The following COL24A1 variants were observed in gnomAD, a reference collection of about 807,000 sequenced individuals.
The protein encoded by COL24A1 is collagen alpha-1(XXIV) chain.
COL24A1 carries 224 observed loss-of-function variants against 253.9 expected under a neutral mutation model. The ratio of observed to expected loss-of-function variants is 0.88; its 90% CI spans 0.79 to 0.99. COL24A1 has a LOEUF of 0.99. COL24A1 is among the 50% of genes least tolerant of loss of function. COL24A1 has a pLI of 0.00. For missense variants in COL24A1, 2,131 were observed against 2,068.5 expected (o/e 1.03, Z -0.59); for synonymous variants, 685 against 673.7 (o/e 1.02, Z -0.26).
At chr1:86,017,277 T>C in intron 18 of COL24A1, 73 bp from the exon 19 acceptor site, 1 of 1,282,576 alleles carries the variant, frequency 7.8e-7, no homozygotes, top group South Asian at 1.4e-5. Flanking sequence ...AACAGGCATA[T>C]GGTAAACAAA....
chr1:85,959,327 T>C (rs1429144688), intron 24 of COL24A1, among the ~76,000 whole-genome samples: 8 of 152,112 alleles, frequency 5.3e-5, no homozygotes, highest in African/African-American at 1.2e-4. Context: ...ACAAGAAAGA[T>C]AGAATCTCAA....
chr1:86,135,511 CCT>C (rs1455096838), intron 2 of COL24A1, among the ~76,000 whole-genome samples: 2 of 151,828 alleles, frequency 1.3e-5, no homozygotes, highest in Admixed American at 6.6e-5. Flanking sequence ...TCTCTATAAT[CCT>C]TTTTATTATG....
chr1:85,791,295 T>TAG (rs1355857454), intron 47 of COL24A1, among the ~76,000 whole-genome samples: 1 of 152,064 alleles, frequency 6.6e-6, no homozygotes. Flanking sequence ...ATGGAAGAAT[T>TAG]GTATAAATAG....
At chr1:86,057,211 C>G (rs1461249318) in intron 10 of COL24A1, among the ~76,000 whole-genome samples, 1 of 152,052 alleles carries the variant, frequency 6.6e-6, no homozygotes, top group Non-Finnish European at 1.5e-5. Context: ...GTTTTTCTCT[C>G]TTACTCCCAC....
rs1407407892 is a variant in COL24A1, at chr1:86,066,597, TTTTG to T, written c.1708-2842_1708-2839del. The stretch of plus-strand genomic sequence containing the variant: ...ATCCGAAGAGCCTAAGTAAAGCAAT[TTTTG>T]TTTGTTTGCTTTACTGATAATAACA... On this transcript the variant is annotated intron_variant, in intron 7 of 59. Coordinates refer to ENST00000370571, the MANE Select transcript of COL24A1 (RefSeq NM_152890.7). Among the ~76,000 whole-genome samples the T allele has an allele frequency of 2.6e-5, 4 of 152,040 alleles. No homozygotes were observed. The East Asian group carries it at 7.8e-4, about 29-fold the overall frequency.
At chr1:85,933,352 T>C (rs1220214968) in intron 24 of COL24A1, among the ~76,000 whole-genome samples, 3 of 146,526 alleles carry the variant, frequency 2.0e-5, no homozygotes, top group African/African-American at 7.4e-5. Flanking sequence ...TTTTGCTGTG[T>C]TTCACAGAAT....
At chr1:85,983,560 C>G (rs1160676388) in intron 20 of COL24A1, among the ~76,000 whole-genome samples, 1 of 151,872 alleles carries the variant, frequency 6.6e-6, no homozygotes, top group Non-Finnish European at 1.5e-5. Flanking sequence ...CCATGTATTT[C>G]AAATACAGTG....
At chr1:86,083,635 G>C (rs954436589) in intron 7 of COL24A1, among the ~76,000 whole-genome samples, 2 of 152,140 alleles carry the variant, frequency 1.3e-5, no homozygotes, top group African/African-American at 4.8e-5. Flanking sequence ...TGAGTGATGA[G>C]TAACAGGTTA....
intron 19 of COL24A1, among the ~76,000 whole-genome samples, chr1:85,993,567 G>A (rs12120406): frequency 0.47 from 70,874 of 151,730 alleles, 16,944 homozygotes; most frequent in East Asian, 0.61. Context: ...AAGAGGAACA[G>A]AAATAAAGTA....
chr1:85,924,515 C>T (rs142760015), intron 24 of COL24A1, among the ~76,000 whole-genome samples: 2,646 of 152,290 alleles, frequency 0.017, 31 homozygotes, highest in Non-Finnish European at 0.03. Flanking sequence ...GCTGGTTCAA[C>T]ATACACAAAT....
chr1:85,869,620 T>G (rs954035265), intron 35 of COL24A1, among the ~76,000 whole-genome samples: 1 of 152,010 alleles, frequency 6.6e-6, no homozygotes, highest in Non-Finnish European at 1.5e-5. Context: ...GAAGGAGAAA[T>G]AAAATCCTTT....
chr1:85,926,061 A>G (rs1687168578), intron 24 of COL24A1, among the ~76,000 whole-genome samples: 1 of 152,248 alleles, frequency 6.6e-6, no homozygotes, highest in Non-Finnish European at 1.5e-5. Context: ...CAGCCAACAG[A>G]CACATGAAAA....
chr1:86,140,903 A>G (rs1650978252), intron 2 of COL24A1, among the ~76,000 whole-genome samples: 1 of 152,252 alleles, frequency 6.6e-6, no homozygotes. Flanking sequence ...CATAAAAAAT[A>G]TACAATTTAC....
rs1682906006 is a variant in COL24A1 at position 85,889,724 on chromosome 1, T to G, written c.2923-111A>C. ...CCTTCCACCCAACTTTTCTGTCTAT[T>G]GCTATTCTTTTTTTTTTTTTGCTTT... On this transcript the variant is annotated intron_variant, in intron 31 of 59. Transcript: ENST00000370571. 3 of 854,504 alleles carry G rather than the reference T, an allele frequency of 3.5e-6. 1 individual carries two copies. The South Asian group carries it at 4.5e-5, about 13-fold the overall frequency. 52.9% of individuals were successfully genotyped at this position (854,504 alleles called of 1,614,324 possible).
intron 47 of COL24A1, among the ~76,000 whole-genome samples, chr1:85,809,019 G>A (rs1672263779): frequency 6.6e-6 from 1 of 152,182 alleles, no homozygotes; most frequent in Non-Finnish European, 1.5e-5. Flanking sequence ...GATCAGTTGA[G>A]TCATGATTCA....
chr1:85,878,463 C>T (rs72710977), intron 32 of COL24A1, among the ~76,000 whole-genome samples: 14,221 of 152,202 alleles, frequency 0.093, 740 homozygotes, highest in South Asian at 0.2. Flanking sequence ...TGGGGAAACA[C>T]GGTCCAATTA....
chr1:85,822,381 G>A (rs977271858), intron 45 of COL24A1, among the ~76,000 whole-genome samples: 1 of 152,068 alleles, frequency 6.6e-6, no homozygotes, highest in Non-Finnish European at 1.5e-5. Context: ...ACAGTGTAGT[G>A]CATTTTCTTA....
At chr1:86,017,006 A>C (rs1414650732) in intron 19 of COL24A1, 145 bp downstream of exon 19, 5 of 752,870 alleles carry the variant, frequency 6.6e-6, no homozygotes, top group Non-Finnish European at 1.0e-5. Context: ...GACATAACAG[A>C]AAAAATGTAG....
intron 10 of COL24A1, among the ~76,000 whole-genome samples, chr1:86,052,397 A>C (rs1204210150): frequency 6.6e-6 from 1 of 152,146 alleles, no homozygotes; most frequent in African/African-American, 2.4e-5. Flanking sequence ...AATATTATTC[A>C]GCCTTAAAAA....
Sources: gnomAD v4.1 joint callset for allele counts (sites outside exome capture counted in the v4.1 genomes callset) on GRCh38, gnomAD v4.1.1 for gene constraint, MANE v1.5 for transcripts, NCBI Gene and HGNC (gene_info 2026-07-23, HGNC 2026-07-21) for gene names.